SLC12A6: variants seen among roughly 807,000 people sequenced by gnomAD.
The protein encoded by SLC12A6 is K-Cl cotransporter 3.
Under a neutral mutation model 135.3 loss-of-function variants are expected in SLC12A6, and 66 were observed. That is an observed-to-expected ratio of 0.49 (90% confidence interval 0.40 to 0.60). The LOEUF is 0.60. Ranked by LOEUF, SLC12A6 falls within the 20% of genes least tolerant of loss-of-function variation. The pLI, the probability that SLC12A6 is intolerant of heterozygous loss-of-function variation, is 0.00. For missense variants in SLC12A6, 1,058 were observed against 1,452.3 expected, an observed-to-expected ratio of 0.73 and a Z score of 4.41; for synonymous variants, 513 against 508.8, an observed-to-expected ratio of 1.01 and a Z score of -0.11.
intron 2 of SLC12A6, among the ~76,000 whole-genome samples, chr15:34,304,099 C>A (rs1043330029): frequency 6.6e-6 from 1 of 152,156 alleles, no homozygotes; most frequent in Non-Finnish European, 1.5e-5. Flanking sequence ...CCAGACTAAA[C>A]GACCATTAAT....
At chr15:34,278,364 T>C (rs369380857) in intron 2 of SLC12A6, among the ~76,000 whole-genome samples, 3 of 149,732 alleles carry the variant, frequency 2.0e-5, no homozygotes, top group Non-Finnish European at 3.0e-5. Flanking sequence ...GAGGTGGAGG[T>C]TGCAGTGAGC....
intron 2 of SLC12A6, among the ~76,000 whole-genome samples, chr15:34,327,754 T>G (rs1022860665): frequency 6.6e-6 from 1 of 152,200 alleles, no homozygotes; most frequent in Non-Finnish European, 1.5e-5. Flanking sequence ...CTCCTCAAAG[T>G]GAAAACGTGG....
chr15:34,261,017 T>C lies in SLC12A6; in HGVS notation c.320A>G (p.Asp107Gly). 1.3e-6 allele frequency: 2 copies of C among 1,527,598 alleles called. No individual in the cohort carries two copies. The highest frequency in any genetic ancestry group is 1.8e-6 in the Non-Finnish European group (2 of 1,101,364). 94.6% of individuals were successfully genotyped at this position (1,527,598 alleles called of 1,614,324 possible). A position where few individuals can be genotyped will look rare whatever the true frequency, so the allele number is the denominator to read the frequency against. Residue 107 changes from aspartate to glycine, a missense_variant, in exon 4 of 26, where the codon GAC becomes GGC. Asp to Gly is a moderately conservative substitution (Grantham distance 94). This residue lies in a region of SLC12A6 where 176 missense variants were observed against 168.9 expected (regional missense o/e 1.04). Coordinates refer to ENST00000354181, the MANE Select transcript of SLC12A6 (RefSeq NM_001365088.1). ...AGCATTTCGAGCTTTCTTATGTCCG[T>C]CGTCTGGAAAAAAAAAAGTAGACCA... ...ITGEHSQLLD[D>G]GHKKARNAYL...
At chr15:34,285,413 C>G (rs965462837) in intron 2 of SLC12A6, among the ~76,000 whole-genome samples, 1 of 151,738 alleles carries the variant, frequency 6.6e-6, no homozygotes, top group African/African-American at 2.4e-5. Flanking sequence ...GATATTTCCA[C>G]AGCAATTAGA....
chr15:34,238,309 C>T lies in SLC12A6; in HGVS notation c.2725G>A (p.Gly909Ser). The T allele has an allele frequency of 6.2e-7, 1 of 1,613,604 alleles. No individual in the cohort carries two copies. Among genetic ancestry groups the T allele is most frequent in the Non-Finnish European group, 8.5e-7 (1 of 1,179,494 alleles). The stretch of plus-strand genomic sequence containing the variant: ...ACAATCCACCACACATCAATGTTGC[C>T]CTCAGAAAATTGCTCCACATTGCTG... ...FPSNVEQFSEGNIDVWWIVHD... is the reference protein window; with the variant it reads ...FPSNVEQFSESNIDVWWIVHD... The change falls in exon 21 of 26, where the codon GGC becomes AGC. Residue 909 changes from glycine (G) to serine (S), a missense_variant. Physicochemically the swap from Gly to Ser is moderately conservative, Grantham distance 56. Coordinates refer to ENST00000354181, the MANE Select transcript of SLC12A6 (RefSeq NM_001365088.1).
At chr15:34,272,619 A>C (rs1464802096) in intron 3 of SLC12A6, among the ~76,000 whole-genome samples, 1 of 152,250 alleles carries the variant, frequency 6.6e-6, no homozygotes, top group Admixed American at 6.5e-5. Context: ...CTGCCAAATG[A>C]GATTAATGTT....
At chr15:34,250,165 A>T in intron 13 of SLC12A6, 133 bp downstream of exon 13, 1 of 746,818 alleles carries the variant, frequency 1.3e-6, no homozygotes, top group Non-Finnish European at 2.5e-6. Context: ...TTGGCCTCCC[A>T]AAGTGCCGGG....
At chr15:34,333,239 T>C (rs1398501558) in intron 2 of SLC12A6, among the ~76,000 whole-genome samples, 1 of 150,252 alleles carries the variant, frequency 6.7e-6, no homozygotes, top group Non-Finnish European at 1.5e-5. Context: ...TTTCTTTTTT[T>C]TTTTTTTTGA....
rs1325375207 is a variant in SLC12A6 at position 34,240,844 on chromosome 15, G to A, written c.2268-15C>T. 1 of 1,607,738 alleles carries A rather than the reference G, an allele frequency of 6.2e-7. No individual in the cohort carries two copies. The highest frequency in any genetic ancestry group is 1.1e-5 in the South Asian group (1 of 90,308). ...GCAACTGAGGCCTGTGAAGAGGTTG[G>A]TGGGGGTTGGAGGGGAGGAGAAAAC... On this transcript the variant is annotated splice_polypyrimidine_tract_variant and intron_variant, in intron 18 of 25. Coordinates refer to ENST00000354181, the MANE Select transcript of SLC12A6 (RefSeq NM_001365088.1).
At chr15:34,245,162 T>TA in intron 15 of SLC12A6, 123 bp downstream of exon 15, 1 of 729,866 alleles carries the variant, frequency 1.4e-6, no homozygotes, top group South Asian at 1.5e-5. Context: ...GATTTTTATT[T>TA]AAGTGAAGTT....
intron 2 of SLC12A6, among the ~76,000 whole-genome samples, chr15:34,324,877 T>C (rs1275567847): frequency 6.6e-6 from 1 of 152,132 alleles, no homozygotes; most frequent in Non-Finnish European, 1.5e-5. Context: ...GAATTTCCAA[T>C]TCATTATGGG....
rs1891831173 is a variant in SLC12A6 at position 34,244,145 on chromosome 15, T to C, written c.1944-73A>G. The C allele has an allele frequency of 2.8e-5, 25 of 893,524 alleles. No individual in the cohort carries two copies. In the South Asian group the frequency reaches 3.3e-4, roughly 12 times the overall value. The allele number at this position is 893,524 out of a possible 1,614,324, so 55.3% of individuals were successfully genotyped here. A position where few individuals can be genotyped will look rare whatever the true frequency, so the allele number is the denominator to read the frequency against. ...TTTGAAGGTTAAGTAACTGAATACC[T>C]TTGCTGTATTGAAGCCTGTTTCTAG... On this transcript the variant is annotated intron_variant, in intron 15 of 25. Coordinates refer to ENST00000354181, the MANE Select transcript of SLC12A6 (RefSeq NM_001365088.1).
chr15:34,273,121 T>G (rs1894075230), intron 3 of SLC12A6, among the ~76,000 whole-genome samples: 1 of 152,176 alleles, frequency 6.6e-6, no homozygotes, highest in South Asian at 2.1e-4. Flanking sequence ...GAGGCCACAG[T>G]GGGTGGGTCA....
intron 2 of SLC12A6, among the ~76,000 whole-genome samples, chr15:34,288,407 C>T (rs370218507): frequency 4.6e-5 from 7 of 152,198 alleles, no homozygotes; most frequent in Middle Eastern, 3.2e-3. Flanking sequence ...AGTTTGAAGT[C>T]GGGTAGCTTG....
intron 10 of SLC12A6, 124 bp downstream of exon 10, chr15:34,252,046 G>A: frequency 1.5e-6 from 1 of 680,644 alleles, no homozygotes. Flanking sequence ...GCTGTGTGGT[G>A]TGCTTAAGAA....
intron 12 of SLC12A6, 119 bp from the exon 13 acceptor site, chr15:34,250,474 C>T (rs1892311422): frequency 1.2e-6 from 1 of 864,514 alleles, no homozygotes; most frequent in African/African-American, 1.7e-5. Flanking sequence ...CCTATAAATT[C>T]TTTTTTGAAT....
chr15:34,337,817 C>G (rs1890298382), upstream of SLC12A6: 1 of 152,188 alleles, frequency 6.6e-6, no homozygotes, highest in African/African-American at 2.4e-5. Context: ...GTTCGCGCTG[C>G]CGGGGCTGGC....
chr15:34,317,778 C>A (rs347866), intron 2 of SLC12A6, among the ~76,000 whole-genome samples: 67,484 of 151,916 alleles, frequency 0.44, 17,581 homozygotes, highest in African/African-American at 0.74. Context: ...TAACTAAAGA[C>A]GCTGCTCACG....
chr15:34,305,816 G>A (rs1896569302), intron 2 of SLC12A6, among the ~76,000 whole-genome samples: 1 of 148,322 alleles, frequency 6.7e-6, no homozygotes, highest in Non-Finnish European at 1.5e-5. Flanking sequence ...TAAAGGGAGT[G>A]GCGCGATCTC....
Sources: allele counts gnomAD v4.1 joint callset (sites outside exome capture counted in the v4.1 genomes callset), GRCh38; gene constraint gnomAD v4.1.1; regional missense constraint gnomAD v4.1.1; transcripts MANE v1.5; gene names NCBI Gene and HGNC (gene_info 2026-07-23, HGNC 2026-07-21).